ZNF451: variants seen among roughly 807,000 people sequenced by gnomAD.
ZNF451 encodes the protein zinc finger protein 451, also known as E3 SUMO-protein ligase ZNF451.
In ZNF451, 80 loss-of-function variants were observed where a neutral mutation model predicts 107.1. The observed-to-expected ratio is 0.75, with a 90% CI of 0.62 to 0.90. ZNF451 has a LOEUF of 0.90. ZNF451 is among the 40% of genes least tolerant of loss of function. The pLI is 0.00. For synonymous variants in ZNF451, 362 were observed against 406.5 expected (o/e 0.89, Z 1.32); for missense variants, 1,107 against 1,236.2 (o/e 0.90, Z 1.57).
chr6:57,104,790 T>C, intron 3 of ZNF451: 1 of 985,390 alleles, frequency 1.0e-6, no homozygotes, highest in Non-Finnish European at 1.2e-6. Flanking sequence ...AAGTATCCTT[T>C]CTTAGTTACT....
intron 3 of ZNF451, chr6:57,104,072 A>G: frequency 1.0e-6 from 1 of 984,686 alleles, no homozygotes; most frequent in Non-Finnish European, 1.2e-6. Flanking sequence ...AGTCATATCA[A>G]GAGTTAATAT....
chr6:57,127,555 C>T (rs1830987829), intron 4 of ZNF451, among the ~76,000 whole-genome samples: 1 of 152,100 alleles, frequency 6.6e-6, no homozygotes, highest in Non-Finnish European at 1.5e-5. Context: ...GTGTTTCTGA[C>T]TCTGATCCCT....
chr6:57,125,669 A>T (rs1206544470), intron 4 of ZNF451, among the ~76,000 whole-genome samples: 3 of 152,110 alleles, frequency 2.0e-5, no homozygotes, highest in Non-Finnish European at 4.4e-5. Flanking sequence ...TCCTTATTCC[A>T]TTGGTTATTA....
chr6:57,119,530 A>C (rs1830534207), intron 3 of ZNF451, among the ~76,000 whole-genome samples: 1 of 151,940 alleles, frequency 6.6e-6, no homozygotes, highest in Non-Finnish European at 1.5e-5. Flanking sequence ...TCTCAAAAGA[A>C]AAAAGAAGCC....
chr6:57,151,195 A>G (rs2127981703), intron 11 of ZNF451: 1 of 167,360 alleles, frequency 6.0e-6, no homozygotes, highest in East Asian at 1.7e-4. Flanking sequence ...CCCCGTCTCT[A>G]CTAAAAAGAA....
At chr6:57,139,020 C>T (rs976637162) in intron 7 of ZNF451, among the ~76,000 whole-genome samples, 1 of 151,712 alleles carries the variant, frequency 6.6e-6, no homozygotes, top group African/African-American at 2.4e-5. Flanking sequence ...TTATAACTCA[C>T]AATTAAACTA....
At chr6:57,134,704 G>T in intron 6 of ZNF451, 40 bp from the exon 7 acceptor site, 1 of 1,588,596 alleles carries the variant, frequency 6.3e-7, no homozygotes, top group South Asian at 1.1e-5. Flanking sequence ...CTAGAATGTA[G>T]ATTTATCTAA....
At chr6:57,113,303 A>G (rs995553942) in intron 3 of ZNF451, among the ~76,000 whole-genome samples, 1 of 150,622 alleles carries the variant, frequency 6.6e-6, no homozygotes, top group African/African-American at 2.4e-5. Context: ...CCTGCAGAGG[A>G]CATGATGTCA....
intron 7 of ZNF451, among the ~76,000 whole-genome samples, chr6:57,138,285 C>T (rs1384364882): frequency 4.7e-5 from 7 of 148,216 alleles, no homozygotes; most frequent in Admixed American, 4.0e-4. Flanking sequence ...TTTTTTAAGA[C>T]GGAGCCTCGC....
intron 13 of ZNF451, among the ~76,000 whole-genome samples, chr6:57,154,932 T>C (rs1168179472): frequency 6.6e-6 from 1 of 152,130 alleles, no homozygotes; most frequent in East Asian, 1.9e-4. Context: ...CACATTTTGA[T>C]TGAAAACTCA....
intron 9 of ZNF451, among the ~76,000 whole-genome samples, chr6:57,142,535 T>C (rs1313634520): frequency 1.3e-5 from 2 of 152,226 alleles, no homozygotes; most frequent in African/African-American, 4.8e-5. Flanking sequence ...GTTTAGTACA[T>C]TGTTCCTTCT....
chr6:57,128,939 A>G lies in ZNF451; in HGVS notation c.424+99A>G, dbSNP rs548712613. The stretch of plus-strand genomic sequence containing the variant: ...GCTATTGCTAATAAGCATATAAGAT[A>G]TTAAATTTTGTTTCAGTGATACTAA... On this transcript the variant is annotated intron_variant, in intron 5 of 14. Transcript: ENST00000370706. 26 of 815,232 alleles carry G rather than the reference A, an allele frequency of 3.2e-5. No individual in the cohort carries two copies. The South Asian group carries it at 5.3e-4, about 17-fold the overall frequency. 50.5% of individuals were successfully genotyped at this position (815,232 alleles called of 1,614,324 possible). A position where few individuals can be genotyped will look rare whatever the true frequency, so the allele number is the denominator to read the frequency against.
At chr6:57,129,796 C>A (rs7758913) in intron 5 of ZNF451, among the ~76,000 whole-genome samples, 1 of 151,926 alleles carries the variant, frequency 6.6e-6, no homozygotes, top group Non-Finnish European at 1.5e-5. Context: ...CCTCCTGCCC[C>A]CAAAAACCTT....
chr6:57,092,189 C>T (rs1829081458), intron 2 of ZNF451, among the ~76,000 whole-genome samples: 1 of 152,124 alleles, frequency 6.6e-6, no homozygotes, highest in African/African-American at 2.4e-5. Flanking sequence ...GAATGACATA[C>T]TTCTTTATGA....
intron 9 of ZNF451, among the ~76,000 whole-genome samples, chr6:57,145,799 T>C (rs2127977619): frequency 6.6e-6 from 1 of 152,264 alleles, no homozygotes; most frequent in Middle Eastern, 3.4e-3. Context: ...TGCTTACTTT[T>C]TCTTAAGGTA....
rs1562603285 is a variant in ZNF451, at chr6:57,119,997, A to G, written c.187-4737A>G. ...TTATACATTCTCTAGGCTTTGACAA[A>G]TGTGTAATGACATGTATCTGTCATT... On this transcript the variant is annotated intron_variant, in intron 3 of 14. Transcript: ENST00000370706. 5.9e-5 allele frequency among the ~76,000 whole-genome samples: 9 copies of G among 152,158 alleles called. 1 individual carries two copies.
At chr6:57,106,259 A>G (rs993534053) in intron 3 of ZNF451, 8 of 978,976 alleles carry the variant, frequency 8.2e-6, no homozygotes, top group Admixed American at 1.2e-4. Flanking sequence ...GTTTGAAATT[A>G]TGGATTAGAT....
intron 3 of ZNF451, chr6:57,109,217 T>C (rs1182142916): frequency 3.2e-5 from 32 of 985,350 alleles, no homozygotes; most frequent in Non-Finnish European, 3.7e-5. Context: ...CCATTCATTT[T>C]CAGCACTGAT....
chr6:57,092,677 T>C (rs899326633), intron 2 of ZNF451: 14 of 152,228 alleles, frequency 9.2e-5, no homozygotes, highest in African/African-American at 3.4e-4. Flanking sequence ...TCAGTAAAGA[T>C]GAAAAAGTTT....
Sources: allele counts gnomAD v4.1 joint callset (sites outside exome capture counted in the v4.1 genomes callset), GRCh38; gene constraint gnomAD v4.1.1; transcripts MANE v1.5; gene names NCBI Gene and HGNC (gene_info 2026-07-23, HGNC 2026-07-21).